The following ANKRD55 variants were observed in gnomAD, a reference collection of about 807,000 sequenced individuals.
ANKRD55 encodes the protein ankyrin repeat domain-containing protein 55.
Under a neutral mutation model 60.6 loss-of-function variants are expected in ANKRD55, and 41 were observed. The observed-to-expected ratio is 0.68, with a 90% CI of 0.53 to 0.88. ANKRD55 has a LOEUF of 0.88. Ranked by LOEUF, ANKRD55 falls within the 40% of genes least tolerant of loss-of-function variation. The pLI, the probability that ANKRD55 is intolerant of heterozygous loss-of-function variation, is 0.00. For synonymous variants in ANKRD55, 264 were observed against 290.3 expected (o/e 0.91, Z 0.92); for missense variants, 732 against 767.6 (o/e 0.95, Z 0.55).
intron 7 of ANKRD55, among the ~76,000 whole-genome samples, chr5:56,131,795 C>CA (rs34898025): frequency 0.042 from 1,126 of 26,774 alleles, 368 homozygotes; most frequent in African/African-American, 0.13. Context: ...GACTCCGTCT[C>CA]AAAAAAAAAA....
At chr5:56,113,359 A>G (rs537103873) in intron 9 of ANKRD55, among the ~76,000 whole-genome samples, 27 of 152,330 alleles carry the variant, frequency 1.8e-4, no homozygotes, top group African/African-American at 6.5e-4. Flanking sequence ...TTGCAGAAAA[A>G]AAAAGTCCTT....
intron 3 of ANKRD55, 134 bp downstream of exon 3, chr5:56,183,378 T>A (rs1001940031): frequency 1.2e-4 from 136 of 1,160,446 alleles, no homozygotes; most frequent in Middle Eastern, 2.5e-4. Flanking sequence ...TAAGAGGCGA[T>A]GTGGTACCTG....
intron 2 of ANKRD55, among the ~76,000 whole-genome samples, chr5:56,190,455 A>C (rs1238051756): frequency 6.6e-6 from 1 of 152,072 alleles, no homozygotes; most frequent in African/African-American, 2.4e-5. Context: ...TTACAGTTTT[A>C]GGTCTTATGT....
At chr5:56,221,233 T>G (rs546895991) in intron 2 of ANKRD55, among the ~76,000 whole-genome samples, 1 of 152,212 alleles carries the variant, frequency 6.6e-6, no homozygotes, top group Non-Finnish European at 1.5e-5. Flanking sequence ...AAAATTTGCT[T>G]ATTCTTCCTT....
chr5:56,228,163 A>G (rs1406652394), intron 2 of ANKRD55, among the ~76,000 whole-genome samples: 1 of 152,092 alleles, frequency 6.6e-6, no homozygotes, highest in East Asian at 1.9e-4. Context: ...CTATGACCTT[A>G]TATCTGAAAG....
At chr5:56,165,432 T>A (rs886080240) in intron 5 of ANKRD55, among the ~76,000 whole-genome samples, 1 of 152,214 alleles carries the variant, frequency 6.6e-6, no homozygotes, top group African/African-American at 2.4e-5. Context: ...TAGCTTCTTA[T>A]AATGTTTATG....
chr5:56,166,084 C>CT lies in ANKRD55; in HGVS notation c.422+4609dup, dbSNP rs113885174. Among the ~76,000 whole-genome samples the CT allele has an allele frequency of 6.8e-3, 520 of 76,842 alleles. 15 individuals are homozygous for CT. The East Asian group carries it at 0.076, about 11-fold the overall frequency. 50.4% of individuals were successfully genotyped at this position (76,842 alleles called of 152,430 possible). A position where few individuals can be genotyped will look rare whatever the true frequency, so the allele number is the denominator to read the frequency against. On this transcript the variant is annotated intron_variant, in intron 5 of 11. Transcript: ENST00000341048. ...GCCACCCTTCAGGGATCTTTCTTTTCTTTTTCTTTCTTTCTTTCTTTCTTT... is the reference window on the plus strand; with the variant it reads ...GCCACCCTTCAGGGATCTTTCTTTTCTTTTTTCTTTCTTTCTTTCTTTCTTT...
chr5:56,171,923 C>G (rs1758617301), intron 4 of ANKRD55, among the ~76,000 whole-genome samples: 1 of 151,958 alleles, frequency 6.6e-6, no homozygotes, highest in Admixed American at 6.6e-5. Flanking sequence ...TCGAGACCAT[C>G]CTGGCTAACA....
intron 2 of ANKRD55, among the ~76,000 whole-genome samples, chr5:56,213,387 A>G (rs1298259294): frequency 6.6e-6 from 1 of 152,164 alleles, no homozygotes; most frequent in East Asian, 1.9e-4. Context: ...GGACCACTGA[A>G]GGTAGGAGCG....
At chr5:56,193,565 C>A in intron 2 of ANKRD55, 1 of 365,440 alleles carries the variant, frequency 2.7e-6, no homozygotes, top group South Asian at 3.6e-5. Context: ...GCTACCTTAC[C>A]TGAAAATATA....
intron 2 of ANKRD55, among the ~76,000 whole-genome samples, chr5:56,201,193 C>T (rs1759362263): frequency 6.6e-6 from 1 of 152,204 alleles, no homozygotes; most frequent in East Asian, 1.9e-4. Context: ...TTTGAAGAAA[C>T]TGCATTCTTA....
intron 8 of ANKRD55, among the ~76,000 whole-genome samples, chr5:56,122,379 G>T (rs1043053846): frequency 6.6e-6 from 1 of 152,100 alleles, no homozygotes; most frequent in Non-Finnish European, 1.5e-5. Context: ...GGCCAGGCAC[G>T]GTGGCTAACA....
chr5:56,137,198 G>C lies in ANKRD55; in HGVS notation c.612+6603C>G. 3.7e-6 allele frequency: 6 copies of C among 1,610,104 alleles called. No individual in the cohort carries two copies. In the South Asian group the frequency reaches 5.5e-5, roughly 15 times the overall value. On this transcript the variant is annotated intron_variant, in intron 7 of 11. Transcript: ENST00000341048. ...GAGTTGGCAAGTGTGCCCAGGCCAAGCAGTGGGGCTGGACACAAGGTCGGT... is the reference window on the plus strand; with the variant it reads ...GAGTTGGCAAGTGTGCCCAGGCCAACCAGTGGGGCTGGACACAAGGTCGGT...
chr5:56,140,393 C>A (rs1349429858), intron 7 of ANKRD55, among the ~76,000 whole-genome samples: 2 of 152,160 alleles, frequency 1.3e-5, no homozygotes, highest in Non-Finnish European at 2.9e-5. Context: ...GGGTTCTTAG[C>A]CTTTTGTGGG....
chr5:56,228,821 C>A (rs976660845), intron 2 of ANKRD55, among the ~76,000 whole-genome samples: 1 of 152,218 alleles, frequency 6.6e-6, no homozygotes, highest in Non-Finnish European at 1.5e-5. Context: ...TAATTGGTTA[C>A]AGCAGCACAG....
intron 7 of ANKRD55, among the ~76,000 whole-genome samples, chr5:56,132,523 G>A (rs1325339520): frequency 2.7e-5 from 4 of 150,250 alleles, no homozygotes; most frequent in Non-Finnish European, 5.9e-5. Flanking sequence ...CCTGAGAGGC[G>A]GAGCTTGCAG....
At chr5:56,206,274 G>T (rs1013911327) in intron 2 of ANKRD55, among the ~76,000 whole-genome samples, 4 of 151,986 alleles carry the variant, frequency 2.6e-5, no homozygotes, top group Non-Finnish European at 5.9e-5. Flanking sequence ...ACCGCTTCTG[G>T]CCTCAATGAT....
At chr5:56,185,107 C>T (rs1758939690) in intron 2 of ANKRD55, among the ~76,000 whole-genome samples, 1 of 152,040 alleles carries the variant, frequency 6.6e-6, no homozygotes, top group African/African-American at 2.4e-5. Flanking sequence ...CCTGTAATCC[C>T]AGCTACTTGG....
chr5:56,116,973 AG>A, intron 8 of ANKRD55, 191 bp from the exon 9 acceptor site: 1 of 521,938 alleles, frequency 1.9e-6, no homozygotes, highest in Non-Finnish European at 3.3e-6. Context: ...CCTCTCCTCT[AG>A]CTCTAAGTAT....
Sources: allele counts gnomAD v4.1 joint callset (sites outside exome capture counted in the v4.1 genomes callset), GRCh38; gene constraint gnomAD v4.1.1; transcripts MANE v1.5; gene names NCBI Gene and HGNC (gene_info 2026-07-23, HGNC 2026-07-21).